LRRC41: variants seen among roughly 807,000 people sequenced by gnomAD.
LRRC41 encodes the protein leucine-rich repeat-containing protein 41.
In LRRC41, 17 loss-of-function variants were observed where a neutral mutation model predicts 72.1. The ratio of observed to expected loss-of-function variants is 0.24; its 90% CI spans 0.16 to 0.35. The LOEUF (loss-of-function observed/expected upper bound fraction) is 0.35, where lower values mean the gene tolerates loss of function less well. Among genes scored for constraint, LRRC41 ranks in the 10% least tolerant of loss-of-function variants. The probability of loss-of-function intolerance (pLI) is 1.00; values close to 1 mark genes in which losing one functional copy is unlikely to be tolerated. For missense variants in LRRC41, 759 were observed against 1,065.0 expected, an observed-to-expected ratio of 0.71 and a Z score of 4.00; for synonymous variants, 427 against 431.0, an observed-to-expected ratio of 0.99 and a Z score of 0.11.
rs748685773 is a variant in LRRC41, at chr1:46,285,576, G to A, written c.1281C>T (p.Gly427=). ...CCACTTCCCCAATCTCCATCTCTTC[G>A]CCATCCTCCTTCTCGCCAGCCACAA... ...VFIVAGEKED[G]EEMEIGEVAC... is the part of the protein sequence containing the mutation. The change falls in exon 4 of 10, where the codon GGC becomes GGT. Residue 427 remains glycine (G), a synonymous_variant. Transcript: ENST00000617190. The surrounding 1 kb of genome is among the most constrained non-coding windows in gnomAD (Gnocchi z 5.3). 5.0e-6 allele frequency: 8 copies of A among 1,613,328 alleles called. No individual in the cohort carries two copies. The highest frequency in any genetic ancestry group is 1.6e-4 in the Middle Eastern group (1 of 6,082).
At chr1:46,284,025 AAG>A (rs1557713861) in intron 4 of LRRC41, 1 of 152,216 alleles carries the variant, frequency 6.6e-6, no homozygotes, top group Non-Finnish European at 1.5e-5. Flanking sequence ...TCCTGCCAAG[AAG>A]AGTTACTGAA....
chr1:46,299,128 C>T (rs1661178777), intron 1 of LRRC41: 1 of 152,208 alleles, frequency 6.6e-6, no homozygotes. Flanking sequence ...GTTCTAAGAG[C>T]TGTTATAGTA....
chr1:46,293,164 CAG>C (rs1661052415), intron 3 of LRRC41, among the ~76,000 whole-genome samples: 1 of 149,556 alleles, frequency 6.7e-6, no homozygotes, highest in South Asian at 2.1e-4. Flanking sequence ...AGCCTGGCGA[CAG>C]AGCGAGATTT....
Position 46,277,707 on chromosome 1 carries a change from T to C in LRRC41, c.*1158A>G. The C allele has an allele frequency of 8.0e-7, 1 of 1,254,594 alleles. No individual in the cohort carries two copies. The highest frequency in any genetic ancestry group is 1.2e-6 in the Non-Finnish European group (1 of 868,646). The allele number at this position is 1,254,594 out of a possible 1,614,324, so 77.7% of individuals were successfully genotyped here. A position where few individuals can be genotyped will look rare whatever the true frequency, so the allele number is the denominator to read the frequency against. The stretch of plus-strand genomic sequence containing the variant: ...TTCTGGGACTCATACTTTTTATTCA[T>C]CTCCTCTTCTCGGGTAGCTGTAGTT... On this transcript the variant is annotated 3_prime_UTR_variant, in exon 10 of 10. Coordinates refer to ENST00000617190, the MANE Select transcript of LRRC41 (RefSeq NM_006369.5).
chr1:46,297,478 A>G, intron 3 of LRRC41, 85 bp downstream of exon 3: 1 of 1,085,318 alleles, frequency 9.2e-7, no homozygotes, highest in African/African-American at 1.5e-5. Flanking sequence ...TCTGCACTTT[A>G]TCAGTACCCA....
At chr1:46,300,370 A>G (rs921917787) in intron 1 of LRRC41, 2 of 152,140 alleles carry the variant, frequency 1.3e-5, no homozygotes, top group Non-Finnish European at 2.9e-5. Flanking sequence ...GAGTATACCA[A>G]AACTTCCGCT....
intron 3 of LRRC41, among the ~76,000 whole-genome samples, chr1:46,290,924 T>TTG (rs528149156): frequency 0.31 from 37,902 of 123,060 alleles, 6,521 homozygotes; most frequent in Non-Finnish European, 0.35. Flanking sequence ...TAGTTTTTTT[T>TTG]TTTTTTTTTT....
Position 46,277,857 on chromosome 1 carries a change from A to C in LRRC41, c.*1008T>G, listed in dbSNP as rs753304857. On this transcript the variant is annotated 3_prime_UTR_variant, in exon 10 of 10. Transcript: ENST00000617190. ...GAGAAGATCTTCCAGCGTCAGAGCC[A>C]CAAGAAGGCACTGAGCAGCTGTGTG... The C allele has an allele frequency of 6.2e-7, 1 of 1,612,816 alleles. No individual in the cohort carries two copies. The highest frequency in any genetic ancestry group is 1.7e-5 in the Admixed American group (1 of 59,994).
chr1:46,285,314 T>C lies in LRRC41; in HGVS notation c.1495+48A>G. ...TCCCTAGAATTAGGCACACAGCTGGTGCTGCTAGGCAATCTAAGCCCAATC... is the reference window on the plus strand; with the variant it reads ...TCCCTAGAATTAGGCACACAGCTGGCGCTGCTAGGCAATCTAAGCCCAATC... On this transcript the variant is annotated intron_variant, in intron 4 of 9. Coordinates refer to ENST00000617190, the MANE Select transcript of LRRC41 (RefSeq NM_006369.5). This position sits in a 1 kb window ranked among gnomAD's most constrained non-coding sequence, Gnocchi z 5.3. 1 of 1,593,426 alleles carries C rather than the reference T, an allele frequency of 6.3e-7. No homozygotes were observed. Among genetic ancestry groups the C allele is most frequent in the East Asian group, 2.3e-5 (1 of 44,054 alleles).
Position 46,281,169 on chromosome 1 carries a change from T to C in LRRC41, c.1712A>G (p.Asn571Ser). ...SQRDNPGVPG[N>S]AGPPSHIIGD... ...TATTATGTGGCTAGGGGGCCCTGCA[T>C]TCCCTGGCACACCAGGGTTGTCCCG... is the stretch of plus-strand genomic sequence containing the variant. The change falls in exon 5 of 10, where the codon AAT becomes AGT. Residue 571 changes from asparagine (N) to serine (S), a missense_variant. Around this residue, in one of 4 missense-constraint regions of LRRC41, gnomAD observed 427 missense variants for 520.9 expected, o/e 0.82. Transcript: ENST00000617190. 6.2e-7 allele frequency: 1 copy of C among 1,614,136 alleles called. No individual in the cohort carries two copies. Among genetic ancestry groups the C allele is most frequent in the Non-Finnish European group, 8.5e-7 (1 of 1,179,970 alleles).
chr1:46,279,661 G>C lies in LRRC41; in HGVS notation c.2021-47C>G. The C allele has an allele frequency of 6.2e-7, 1 of 1,611,280 alleles. No individual in the cohort carries two copies. The highest frequency in any genetic ancestry group is 8.5e-7 in the Non-Finnish European group (1 of 1,177,890). On this transcript the variant is annotated intron_variant, in intron 7 of 9. Transcript: ENST00000617190. This position sits in a 1 kb window ranked among gnomAD's most constrained non-coding sequence, Gnocchi z 4.5. ...AATTCTGATGGCTGCATTAGGACTG[G>C]TGCTGCCCCTCCTGCCCCAGTTGGC...
Position 46,286,242 on chromosome 1 carries a change from G to A in LRRC41, c.615C>T (p.Phe205=). 6.2e-7 allele frequency: 1 copy of A among 1,614,266 alleles called. No individual in the cohort carries two copies. Among genetic ancestry groups the A allele is most frequent in the Non-Finnish European group, 8.5e-7 (1 of 1,180,054 alleles). The part of the protein sequence containing the change: ...LHTLKFRHLL[F]SDVAAQQSLR... ...GTGACTGCTGAGCAGCCACATCAGA[G>A]AACAGCAGGTGGCGGAACTTGAGAG... Residue 205 remains phenylalanine, a synonymous_variant, in exon 4 of 10, where the codon TTC becomes TTT. Transcript: ENST00000617190. The surrounding 1 kb of genome is among the most constrained non-coding windows in gnomAD (Gnocchi z 5.5).
At chr1:46,289,531 GC>G (rs1166319942) in intron 3 of LRRC41, among the ~76,000 whole-genome samples, 4 of 152,008 alleles carry the variant, frequency 2.6e-5, no homozygotes, top group African/African-American at 9.7e-5. Flanking sequence ...GGAGGCCGAG[GC>G]GGGGGGGATC....
intron 3 of LRRC41, among the ~76,000 whole-genome samples, chr1:46,289,422 G>A (rs1400348631): frequency 1.3e-5 from 2 of 151,906 alleles, no homozygotes; most frequent in Non-Finnish European, 2.9e-5. Context: ...ACAAATTAAC[G>A]TACGAGCAGA....
At position 46,298,385 on chromosome 1, in the gene LRRC41, A is replaced by T. The variant is rs775407940; in HGVS notation, c.200-15T>A. 4 of 1,566,920 alleles carry T rather than the reference A, an allele frequency of 2.6e-6. No homozygotes were observed. The South Asian group carries it at 4.5e-5, about 18-fold the overall frequency. ...GCCTGGGAGGGCTACAAAAATCAAA[A>T]CAAAAGTTTACTTTTCCTCCCCTCC... On this transcript the variant is annotated splice_polypyrimidine_tract_variant and intron_variant, in intron 1 of 9. Coordinates refer to ENST00000617190, the MANE Select transcript of LRRC41 (RefSeq NM_006369.5).
chr1:46,291,539 G>A (rs2148321247), intron 3 of LRRC41, among the ~76,000 whole-genome samples: 1 of 137,628 alleles, frequency 7.3e-6, no homozygotes, highest in East Asian at 2.1e-4. Flanking sequence ...GTCTCACTGT[G>A]TTGCCCCAGC....
At chr1:46,300,366 A>G (rs1314601865) in intron 1 of LRRC41, 1 of 152,154 alleles carries the variant, frequency 6.6e-6, no homozygotes, top group East Asian at 1.9e-4. Flanking sequence ...CTTGGAGTAT[A>G]CCAAAACTTC....
chr1:46,286,605 A>G lies in LRRC41; in HGVS notation c.358-106T>C, dbSNP rs533060401. 1.9e-6 allele frequency: 2 copies of G among 1,036,478 alleles called. No individual in the cohort carries two copies. Among genetic ancestry groups the G allele is most frequent in the East Asian group, 5.0e-5 (2 of 40,388 alleles). The allele number at this position is 1,036,478 out of a possible 1,614,324, so 64.2% of individuals were successfully genotyped here. A position where few individuals can be genotyped will look rare whatever the true frequency, so the allele number is the denominator to read the frequency against. On this transcript the variant is annotated intron_variant, in intron 3 of 9. Transcript: ENST00000617190. The surrounding 1 kb of genome is among the most constrained non-coding windows in gnomAD (Gnocchi z 5.5). The stretch of plus-strand genomic sequence containing the variant: ...ATTTACTGAGTCAGGCAACACTACA[A>G]ATTCATTTAATCTTCACATCTCTGA...
chr1:46,289,912 A>T (rs1448354375), intron 3 of LRRC41, among the ~76,000 whole-genome samples: 1 of 152,200 alleles, frequency 6.6e-6, no homozygotes, highest in Non-Finnish European at 1.5e-5. Context: ...AGGCATGATC[A>T]ATGAGGTGAA....
Sources: gnomAD v4.1 joint callset for allele counts (sites outside exome capture counted in the v4.1 genomes callset) on GRCh38, gnomAD v4.1.1 for gene constraint, gnomAD v4.1.1 regional missense constraint, Gnocchi (gnomAD v3.1) non-coding constraint, MANE v1.5 for transcripts, NCBI Gene and HGNC (gene_info 2026-07-23, HGNC 2026-07-21) for gene names.